The following DMD variants were observed in gnomAD, a reference collection of about 807,000 sequenced individuals.
The protein encoded by DMD is dystrophin, also known as mutant dystrophin.
DMD carries 63 observed loss-of-function variants against 330.1 expected under a neutral mutation model. The ratio of observed to expected loss-of-function variants is 0.19; its 90% confidence interval spans 0.16 to 0.24. The LOEUF (loss-of-function observed/expected upper bound fraction) is 0.24. DMD is among the 10% of genes least tolerant of loss of function. The probability of loss-of-function intolerance (pLI) is 1.00; values close to 1 mark genes in which losing one functional copy is unlikely to be tolerated. For missense variants in DMD, 3,344 were observed against 2,684.1 expected, an observed-to-expected ratio of 1.25 and a Z score of -5.43; for synonymous variants, 1,223 against 959.8, an observed-to-expected ratio of 1.27 and a Z score of -5.07.
chrX:32,093,021 C>T (rs780619341), intron 44 of DMD, among the ~76,000 whole-genome samples: 1 of 111,030 alleles, frequency 9.0e-6, no homozygotes, highest in Non-Finnish European at 1.9e-5. Context: ...ATCACCACTA[C>T]TTAATTAGTT....
intron 50 of DMD, among the ~76,000 whole-genome samples, chrX:31,789,661 A>C (rs1428367145): frequency 9.0e-6 from 1 of 111,623 alleles, no homozygotes; most frequent in Non-Finnish European, 1.9e-5. Flanking sequence ...TTTTTTCCTA[A>C]GATATCTAGA....
At chrX:32,520,611 G>A (rs1257515557) in intron 17 of DMD, among the ~76,000 whole-genome samples, 1 of 111,314 alleles carries the variant, frequency 9.0e-6, no homozygotes, top group African/African-American at 3.3e-5. Flanking sequence ...TGTCTCAAGG[G>A]GTTCCCTGCA....
chrX:32,156,300 A>G (rs1044552070), intron 44 of DMD, among the ~76,000 whole-genome samples: 1 of 112,100 alleles, frequency 8.9e-6, no homozygotes, highest in East Asian at 2.8e-4. Context: ...GAATCTTTTG[A>G]ACCCGGGAGG....
chrX:31,168,808 A>C (rs2039690714), intron 74 of DMD, among the ~76,000 whole-genome samples: 1 of 112,017 alleles, frequency 8.9e-6, no homozygotes, highest in Non-Finnish European at 1.9e-5. Flanking sequence ...ATCCTGACAC[A>C]ATACAGTACC....
chrX:33,213,491 C>T (rs141325530), upstream of DMD, among the ~76,000 whole-genome samples: 483 of 111,879 alleles, frequency 4.3e-3, 4 homozygotes, highest in Middle Eastern at 0.014. Flanking sequence ...GACTGTGTCA[C>T]CACAGTACTT....
rs778613754 is a variant in DMD, at chrX:32,582,864, C to A, written c.1603-9018G>T. Among the ~76,000 whole-genome samples, 3 of 111,256 alleles carry A rather than the reference C, an allele frequency of 2.7e-5. No homozygotes were observed. The South Asian group carries it at 1.2e-3, about 43-fold the overall frequency. On this transcript the variant is annotated intron_variant, in intron 13 of 78. Coordinates refer to ENST00000357033, the MANE Select transcript of DMD (RefSeq NM_004006.3). ...CTTTGAGATGTAAATCTTCTACAAT[C>A]CGGGAATATCTTTCTCAAGGACCTA...
At chrX:32,816,700 C>G in intron 5 of DMD, 60 bp from the exon 6 acceptor site, 1 of 1,092,705 alleles carries the variant, frequency 9.2e-7, no homozygotes, top group Middle Eastern at 2.9e-4. Context: ...ACCATGCAAA[C>G]TTAAATATGA....
intron 47 of DMD, among the ~76,000 whole-genome samples, chrX:31,877,950 A>G (rs993294767): frequency 5.4e-5 from 6 of 111,816 alleles, no homozygotes; most frequent in African/African-American, 1.6e-4. Flanking sequence ...TATTTTCCTA[A>G]AATCTCTAAA....
At chrX:33,214,085 C>A (rs1016007013), upstream of DMD, among the ~76,000 whole-genome samples, 6 of 105,041 alleles carry the variant, frequency 5.7e-5, no homozygotes, top group Non-Finnish European at 1.2e-4. Flanking sequence ...TACTTGAGAT[C>A]CATTTAAGTT....
chrX:32,714,031 G>A (rs1465910129), intron 7 of DMD, among the ~76,000 whole-genome samples: 1 of 111,775 alleles, frequency 8.9e-6, no homozygotes, highest in Non-Finnish European at 1.9e-5. Context: ...GCACAGTAGT[G>A]ACAGTGAAAA....
intron 1 of DMD, among the ~76,000 whole-genome samples, chrX:33,117,439 G>C (rs146658205): frequency 0.029 from 3,227 of 111,481 alleles, 127 homozygotes; most frequent in African/African-American, 0.1. Flanking sequence ...AATCATTTCA[G>C]AATGTATATG....
intron 11 of DMD, among the ~76,000 whole-genome samples, chrX:32,624,848 T>A (rs2058242532): frequency 8.9e-6 from 1 of 112,344 alleles, no homozygotes; most frequent in South Asian, 3.7e-4. Flanking sequence ...TCAATGGGAA[T>A]GCCAGCTTTG....
At chrX:31,372,364 G>C (rs935253561) in intron 60 of DMD, among the ~76,000 whole-genome samples, 1 of 111,973 alleles carries the variant, frequency 8.9e-6, no homozygotes, top group African/African-American at 3.2e-5. Context: ...AAAATGGTTG[G>C]TGTCAGCGGG....
intron 49 of DMD, among the ~76,000 whole-genome samples, chrX:31,834,977 T>C (rs1340632962): frequency 8.9e-6 from 1 of 111,985 alleles, no homozygotes; most frequent in Non-Finnish European, 1.9e-5. Context: ...TTCAGAAAAG[T>C]AATTCTCCTT....
chrX:32,331,645 CAT>C (rs1356292436), intron 41 of DMD, among the ~76,000 whole-genome samples: 1 of 111,129 alleles, frequency 9.0e-6, no homozygotes, highest in Non-Finnish European at 1.9e-5. Context: ...ATTACTGTAA[CAT>C]TAATTCAGAA....
rs778057737 is a variant in DMD, at chrX:31,506,326, C to T, written c.8390+955G>A. Among the ~76,000 whole-genome samples, 4 of 111,751 alleles carry T rather than the reference C, an allele frequency of 3.6e-5. No homozygotes were observed. In the East Asian group the frequency reaches 8.4e-4, roughly 24 times the overall value. On this transcript the variant is annotated intron_variant, in intron 56 of 78. Coordinates refer to ENST00000357033, the MANE Select transcript of DMD (RefSeq NM_004006.3). ...TCTACCTAGAGGTAGTAACTACTCC[C>T]GTCATTTAGTGTATACTCCCATAAC...
intron 63 of DMD, among the ~76,000 whole-genome samples, chrX:31,253,990 G>C (rs2049669948): frequency 8.9e-6 from 1 of 111,968 alleles, no homozygotes; most frequent in Non-Finnish European, 1.9e-5. Context: ...AGATTAAAAA[G>C]GGCTAGATCC....
At chrX:31,212,170 G>A (rs893760185) in intron 64 of DMD, among the ~76,000 whole-genome samples, 5,808 of 78,950 alleles carry the variant, frequency 0.074, 159 homozygotes, top group Middle Eastern at 0.12. Flanking sequence ...ATATATATGT[G>A]TGTGTGTATG....
intron 2 of DMD, among the ~76,000 whole-genome samples, chrX:32,920,277 T>C (rs141734871): frequency 1.0e-3 from 113 of 112,155 alleles, no homozygotes; most frequent in African/African-American, 3.1e-3. Context: ...TTACCAATCA[T>C]TTTTAATAAA....
Sources: gnomAD v4.1 joint callset for allele counts (sites outside exome capture counted in the v4.1 genomes callset) on GRCh38, gnomAD v4.1.1 for gene constraint, MANE v1.5 for transcripts, NCBI Gene and HGNC (gene_info 2026-07-23, HGNC 2026-07-21) for gene names.